CTTN: variants seen among roughly 807,000 people sequenced by gnomAD.
CTTN encodes the protein src substrate cortactin.
A neutral mutation model predicts 84.0 loss-of-function variants in CTTN; 28 were observed. That is an observed-to-expected ratio of 0.33 (90% CI 0.25 to 0.46). The LOEUF (loss-of-function observed/expected upper bound fraction) is 0.46, where lower values mean the gene tolerates loss of function less well. Among genes scored for constraint, CTTN ranks in the 20% least tolerant of loss-of-function variants. The pLI is 1.00. For synonymous variants in CTTN, 301 were observed against 288.8 expected (o/e 1.04, Z -0.43); for missense variants, 641 against 723.8 (o/e 0.89, Z 1.31).
chr11:70,422,846 C>G, intron 11 of CTTN, 94 bp from the exon 12 acceptor site: 1 of 1,595,086 alleles, frequency 6.3e-7, no homozygotes, highest in Admixed American at 1.7e-5. Flanking sequence ...GGTGCACCTT[C>G]TTGGGCTGTT....
intron 5 of CTTN, among the ~76,000 whole-genome samples, chr11:70,411,431 C>T (rs570000211): frequency 3.1e-4 from 47 of 151,816 alleles, no homozygotes; most frequent in African/African-American, 1.1e-3. Flanking sequence ...GCGAGCGAAG[C>T]GTGTGCACAC....
chr11:70,420,871 C>T (rs1347490028), intron 10 of CTTN, among the ~76,000 whole-genome samples: 2 of 152,022 alleles, frequency 1.3e-5, no homozygotes, highest in African/African-American at 2.4e-5. Flanking sequence ...CAGCGGGGGG[C>T]TGGGTTTACC....
intron 16 of CTTN, 58 bp downstream of exon 16, chr11:70,433,336 T>C (rs2058377446): frequency 6.6e-7 from 1 of 1,505,524 alleles, no homozygotes. Context: ...CGGGACATCC[T>C]GCTCGACCTG....
rs190207341 is a variant in CTTN at position 70,417,332 on chromosome 11, T to C, written c.568+209T>C. 4.1e-3 allele frequency among the ~76,000 whole-genome samples: 621 copies of C among 152,304 alleles called. 4 individuals are homozygous for C. The highest frequency in any genetic ancestry group is 0.02 in the Middle Eastern group (6 of 294). ...TTCCATAGTCCATGTAACCATTCCT[T>C]TTTTGAATGTGGAATTTAGGTTATT... On this transcript the variant is annotated intron_variant, in intron 8 of 17. Coordinates refer to ENST00000301843, the MANE Select transcript of CTTN (RefSeq NM_005231.4).
chr11:70,419,268 G>A (rs537513142), intron 8 of CTTN, among the ~76,000 whole-genome samples: 49 of 151,772 alleles, frequency 3.2e-4, no homozygotes, highest in Admixed American at 1.4e-3. Flanking sequence ...GGGCCACCAC[G>A]CCCAGCTAAT....
At chr11:70,424,670 A>G (rs2058280673) in intron 12 of CTTN, among the ~76,000 whole-genome samples, 1 of 151,894 alleles carries the variant, frequency 6.6e-6, no homozygotes, top group South Asian at 2.1e-4. Context: ...GAGCTGACTG[A>G]TGGGAGGAGG....
At chr11:70,406,908 A>G (rs2058045823) in intron 2 of CTTN, among the ~76,000 whole-genome samples, 1 of 152,276 alleles carries the variant, frequency 6.6e-6, no homozygotes, top group African/African-American at 2.4e-5. Context: ...TAGTATATTT[A>G]TAATACATAA....
Position 70,425,334 on chromosome 11 carries a change from T to C in CTTN, c.960T>C (p.Asn320=), listed in dbSNP as rs61758146. 181 of 1,611,866 alleles carry C rather than the reference T, an allele frequency of 1.1e-4. No homozygotes were observed. The African/African-American group carries it at 2.2e-3, about 19-fold the overall frequency. Residue 320 remains asparagine, a splice_region_variant and synonymous_variant, in exon 13 of 18, where the codon AAT becomes AAC. Transcript: ENST00000301843. ...ACGCCCATGTCCTGTCTCTGCAGAATGCGTCAACCTTTGAGGATGTCACCC... is the reference window on the plus strand; with the variant it reads ...ACGCCCATGTCCTGTCTCTGCAGAACGCGTCAACCTTTGAGGATGTCACCC... The part of the protein sequence containing the change: ...YGVQKDRMDK[N]ASTFEDVTQV...
At chr11:70,424,685 G>A (rs949774071) in intron 12 of CTTN, among the ~76,000 whole-genome samples, 4 of 151,938 alleles carry the variant, frequency 2.6e-5, no homozygotes, top group East Asian at 1.9e-4. Flanking sequence ...AGGAGGGAGC[G>A]GGGTCCGAGG....
At chr11:70,402,688 A>G (rs2058000747) in intron 1 of CTTN, among the ~76,000 whole-genome samples, 1 of 152,216 alleles carries the variant, frequency 6.6e-6, no homozygotes, top group African/African-American at 2.4e-5. Flanking sequence ...GCAGAATAAA[A>G]TGCCTTTGTG....
chr11:70,414,911 G>A (rs1364446573), intron 6 of CTTN, among the ~76,000 whole-genome samples: 9 of 152,184 alleles, frequency 5.9e-5, no homozygotes. Flanking sequence ...CCCTGTGTCT[G>A]TCCCAATGTG....
chr11:70,417,096 A>G lies in CTTN; in HGVS notation c.541A>G (p.Lys181Glu). ...CGCGGTGGGCTTCGACTACCAGGGC[A>G]AGACGGAGAAGCACGAGTCACAGAG... The part of the protein sequence containing the change: ...KSAVGFDYQG[K>E]TEKHESQRDY... The change falls in exon 8 of 18, where the codon AAG (lysine) becomes GAG (glutamate). Residue 181 changes from lysine (K) to glutamate (E), a missense_variant. This residue lies in a region of CTTN where 284 missense variants were observed against 348.4 expected (regional missense o/e 0.82). Transcript: ENST00000301843. 1 of 1,614,216 alleles carries G rather than the reference A, an allele frequency of 6.2e-7. No individual in the cohort carries two copies. Among genetic ancestry groups the G allele is most frequent in the South Asian group, 1.1e-5 (1 of 91,084 alleles).
chr11:70,417,208 G>T lies in CTTN; in HGVS notation c.568+85G>T, dbSNP rs116287469. 2.5e-4 allele frequency: 261 copies of T among 1,036,214 alleles called. 2 individuals are homozygous for T. The African/African-American group carries it at 3.8e-3, about 15-fold the overall frequency. 64.2% of individuals were successfully genotyped at this position (1,036,214 alleles called of 1,614,324 possible). On this transcript the variant is annotated intron_variant, in intron 8 of 17. Transcript: ENST00000301843. The stretch of plus-strand genomic sequence containing the variant: ...TTTTCTCTCTGCACACGTGATTGTT[G>T]TAGATTTTTTAACTGAAAATGTTTG...
chr11:70,414,717 G>T (rs2135566567), intron 6 of CTTN, 65 bp downstream of exon 6: 1 of 1,175,158 alleles, frequency 8.5e-7, no homozygotes, highest in South Asian at 1.3e-5. Context: ...GTAGATCTGA[G>T]CCCTGTTGGG....
At position 70,435,253 on chromosome 11, in the gene CTTN, GT is replaced by G. The variant is rs370623790; in HGVS notation, c.*116del. 0.084 allele frequency: 77,471 copies of G among 917,988 alleles called. 173 individuals are homozygous for G. The highest frequency in any genetic ancestry group is 0.18 in the African/African-American group (6,669 of 37,050). The allele number at this position is 917,988 out of a possible 1,614,324, so 56.9% of individuals were successfully genotyped here. On this transcript the variant is annotated 3_prime_UTR_variant, in exon 18 of 18. Coordinates refer to ENST00000301843, the MANE Select transcript of CTTN (RefSeq NM_005231.4). ...TCTTGGGTGGTTTTGGGTTTTTTCT[GT>G]TTTTTTTTTTTTTTTTTTTTTTTTG...
intron 12 of CTTN, 111 bp downstream of exon 12, chr11:70,423,106 T>C: frequency 7.7e-7 from 1 of 1,301,586 alleles, no homozygotes; most frequent in Non-Finnish European, 1.1e-6. Context: ...ACAAGTGATT[T>C]CCGTCGTGGT....
intron 2 of CTTN, among the ~76,000 whole-genome samples, chr11:70,407,057 A>C (rs373245640): frequency 5.9e-5 from 9 of 152,368 alleles, no homozygotes; most frequent in African/African-American, 2.2e-4. Context: ...AGGTGAAGCC[A>C]AATAGTATTT....
chr11:70,431,784 AC>A (rs1035483352), intron 15 of CTTN, among the ~76,000 whole-genome samples: 5 of 150,196 alleles, frequency 3.3e-5, no homozygotes, highest in African/African-American at 1.2e-4. Context: ...TGTGCTGCTG[AC>A]CCCCTCTCAT....
intron 8 of CTTN, among the ~76,000 whole-genome samples, chr11:70,418,271 G>GTA: frequency 6.6e-6 from 1 of 152,212 alleles, no homozygotes; most frequent in Non-Finnish European, 1.5e-5. Flanking sequence ...CCTTCCTGCC[G>GTA]GTCAGGCCTT....
Sources: allele counts gnomAD v4.1 joint callset (sites outside exome capture counted in the v4.1 genomes callset), GRCh38; gene constraint gnomAD v4.1.1; regional missense constraint gnomAD v4.1.1; transcripts MANE v1.5; gene names NCBI Gene and HGNC (gene_info 2026-07-23, HGNC 2026-07-21).